The following MIGA1 variants were observed in gnomAD, a reference collection of about 807,000 sequenced individuals.
The protein encoded by MIGA1 is mitoguardin 1, also known as family with sequence similarity 73, member A.
In MIGA1, 58 loss-of-function variants were observed where a neutral mutation model predicts 82.0. The ratio of observed to expected loss-of-function variants is 0.71; its 90% CI spans 0.57 to 0.88. The LOEUF is 0.88. Among genes scored for constraint, MIGA1 ranks in the 40% least tolerant of loss-of-function variants. The pLI is 0.00. For synonymous variants in MIGA1, 249 were observed against 253.6 expected (o/e 0.98, Z 0.17); for missense variants, 751 against 749.1 (o/e 1.00, Z -0.03).
chr1:77,802,242 A>G (rs1362210033), intron 3 of MIGA1, among the ~76,000 whole-genome samples: 1 of 152,202 alleles, frequency 6.6e-6, no homozygotes, highest in East Asian at 1.9e-4. Context: ...TGCAGTGAAC[A>G]TTGCAACAGT....
At chr1:77,857,992 G>A (rs964133810) in intron 8 of MIGA1, among the ~76,000 whole-genome samples, 1 of 152,112 alleles carries the variant, frequency 6.6e-6, no homozygotes, top group Admixed American at 6.5e-5. Flanking sequence ...ATCTATGGAT[G>A]ATAAAATTCT....
chr1:77,814,062 A>C (rs1570950645), intron 6 of MIGA1, among the ~76,000 whole-genome samples, 195 bp downstream of exon 6: 1 of 151,836 alleles, frequency 6.6e-6, no homozygotes, highest in Middle Eastern at 3.4e-3. Flanking sequence ...GCTAATTTTA[A>C]ATTTTTTGTA....
chr1:77,829,837 A>G (rs375242694), intron 7 of MIGA1, among the ~76,000 whole-genome samples: 9 of 151,546 alleles, frequency 5.9e-5, no homozygotes, highest in African/African-American at 1.9e-4. Flanking sequence ...TTGCCTCAGC[A>G]CCTCTCTTTG....
At chr1:77,858,847 T>C in intron 8 of MIGA1, 91 bp from the exon 9 acceptor site, 1 of 724,870 alleles carries the variant, frequency 1.4e-6, no homozygotes, top group Non-Finnish European at 2.4e-6. Context: ...TTCAAACTTC[T>C]GGGTTCAAAT....
intron 1 of MIGA1, among the ~76,000 whole-genome samples, chr1:77,782,112 C>T (rs917269664): frequency 2.6e-5 from 4 of 152,020 alleles, no homozygotes; most frequent in African/African-American, 9.7e-5. Context: ...CCAAAGTGCT[C>T]AGGCATGAGC....
chr1:77,847,052 A>G lies in MIGA1; in HGVS notation c.996+3645A>G, dbSNP rs192573795. ...CTCTGATTTGACGACACTTATTTAT[A>G]GCAATCCAGAAACTACACCAACAGT... is the stretch of plus-strand genomic sequence containing the variant. On this transcript the variant is annotated intron_variant, in intron 8 of 15. Transcript: ENST00000370791. The G allele has an allele frequency of 5.4e-5, 40 of 737,036 alleles. No individual in the cohort carries two copies. In the Admixed American group the frequency reaches 5.6e-4, roughly 10 times the overall value. 45.7% of individuals were successfully genotyped at this position (737,036 alleles called of 1,614,324 possible). A position where few individuals can be genotyped will look rare whatever the true frequency, so the allele number is the denominator to read the frequency against.
At position 77,870,990 on chromosome 1, in the gene MIGA1, G is replaced by A. The variant is rs542500119; in HGVS notation, c.1564-2014G>A. 1.5e-3 allele frequency among the ~76,000 whole-genome samples: 228 copies of A among 151,550 alleles called. 1 individual carries two copies. Among genetic ancestry groups the A allele is most frequent in the Non-Finnish European group, 2.8e-3 (188 of 67,760 alleles). The stretch of plus-strand genomic sequence containing the variant: ...AGTCGCAGGCACTCGGCAGGCTGAG[G>A]CAGGAGAATCAGGCAGGGAGGTTGC... On this transcript the variant is annotated intron_variant, in intron 14 of 15. Transcript: ENST00000370791.
At chr1:77,870,212 G>A (rs9701449) in intron 14 of MIGA1, among the ~76,000 whole-genome samples, 220 of 107,654 alleles carry the variant, frequency 2.0e-3, no homozygotes, top group African/African-American at 4.3e-3. Context: ...CTGGCCGGGC[G>A]GGGGGCTGAC....
At chr1:77,856,187 T>C (rs961654168) in intron 8 of MIGA1, among the ~76,000 whole-genome samples, 5 of 152,218 alleles carry the variant, frequency 3.3e-5, no homozygotes, top group Non-Finnish European at 5.9e-5. Context: ...TTATGTGGTG[T>C]GTCACATTCA....
chr1:77,815,297 C>A, intron 7 of MIGA1, 66 bp downstream of exon 7: 2 of 1,319,478 alleles, frequency 1.5e-6, no homozygotes, highest in Non-Finnish European at 2.0e-6. Flanking sequence ...TTGGAATCAT[C>A]TGCATAAGTG....
At chr1:77,803,542 G>A in intron 4 of MIGA1, 136 bp downstream of exon 4, 1 of 413,380 alleles carries the variant, frequency 2.4e-6, no homozygotes, top group Non-Finnish European at 4.1e-6. Flanking sequence ...GCTTTCTTTA[G>A]GCAAGTAAAA....
At chr1:77,873,336 G>C (rs1005965235) in intron 15 of MIGA1, among the ~76,000 whole-genome samples, 2 of 152,056 alleles carry the variant, frequency 1.3e-5, no homozygotes, top group African/African-American at 4.8e-5. Flanking sequence ...TTATAGATTT[G>C]GTGCTTTATT....
intron 2 of MIGA1, among the ~76,000 whole-genome samples, chr1:77,799,829 G>A (rs1475773370): frequency 6.8e-6 from 1 of 148,058 alleles, no homozygotes; most frequent in Non-Finnish European, 1.5e-5. Flanking sequence ...AATAAGACTG[G>A]CTAGAGGTTT....
At chr1:77,826,742 T>C (rs1444458720) in intron 7 of MIGA1, among the ~76,000 whole-genome samples, 1 of 152,002 alleles carries the variant, frequency 6.6e-6, no homozygotes, top group African/African-American at 2.4e-5. Context: ...CCCAAAGTGC[T>C]GGGATTACAG....
chr1:77,826,088 C>T (rs918761208), intron 7 of MIGA1, among the ~76,000 whole-genome samples: 1 of 152,122 alleles, frequency 6.6e-6, no homozygotes, highest in African/African-American at 2.4e-5. Flanking sequence ...GAGGCCTGTT[C>T]TAAGCTGGTT....
intron 2 of MIGA1, among the ~76,000 whole-genome samples, chr1:77,792,786 CTTTTTTTTTT>C (rs888755051): frequency 1.6e-5 from 2 of 121,616 alleles, no homozygotes; most frequent in African/African-American, 6.1e-5. Flanking sequence ...GGATTGTTTG[CTTTTTTTTTT>C]TTTTTTTTTG....
chr1:77,843,557 A>T (rs865886707), intron 8 of MIGA1, 150 bp downstream of exon 8: 5 of 606,008 alleles, frequency 8.3e-6, no homozygotes, highest in Non-Finnish European at 1.4e-5. Context: ...TAAATCTAAC[A>T]TGAAAATAAG....
chr1:77,866,419 T>C (rs1197349659), intron 14 of MIGA1, 28 bp downstream of exon 14: 2 of 1,606,200 alleles, frequency 1.2e-6, no homozygotes, highest in Non-Finnish European at 1.7e-6. Context: ...CTGAATTCCT[T>C]TGTTAAATCA....
At chr1:77,864,107 T>C in intron 13 of MIGA1, 79 bp downstream of exon 13, 1 of 1,476,140 alleles carries the variant, frequency 6.8e-7, no homozygotes, top group Non-Finnish European at 9.2e-7. Flanking sequence ...ACGCCTGTAA[T>C]CCCAGCACTT....
Sources: gnomAD v4.1 joint callset for allele counts (sites outside exome capture counted in the v4.1 genomes callset) on GRCh38, gnomAD v4.1.1 for gene constraint, MANE v1.5 for transcripts, NCBI Gene and HGNC (gene_info 2026-07-23, HGNC 2026-07-21) for gene names.